TMEM132D: variants seen among roughly 807,000 people sequenced by gnomAD.
TMEM132D encodes the protein mature OL transmembrane protein.
TMEM132D carries 21 observed loss-of-function variants against 62.3 expected under a neutral mutation model. The ratio of observed to expected loss-of-function variants is 0.34; its 90% CI spans 0.24 to 0.49. TMEM132D has a LOEUF of 0.49. Ranked by LOEUF, TMEM132D falls within the 20% of genes least tolerant of loss-of-function variation. The pLI is 0.99. For synonymous variants in TMEM132D, 621 were observed against 575.6 expected, an observed-to-expected ratio of 1.08 and a Z score of -1.13; for missense variants, 1,346 against 1,402.8, an observed-to-expected ratio of 0.96 and a Z score of 0.65.
intron 1 of TMEM132D, among the ~76,000 whole-genome samples, chr12:129,802,162 C>A (rs2137308243): frequency 6.6e-6 from 1 of 151,808 alleles, no homozygotes; most frequent in East Asian, 1.9e-4. Context: ...GGCAGGCCAA[C>A]ATTCAGACTC....
intron 4 of TMEM132D, among the ~76,000 whole-genome samples, chr12:129,232,740 C>T (rs952579978): frequency 2.0e-5 from 3 of 152,088 alleles, no homozygotes; most frequent in East Asian, 1.9e-4. Context: ...AATAGTTCCA[C>T]GTGGCTGGGG....
chr12:129,561,437 T>C (rs10773683), intron 2 of TMEM132D, among the ~76,000 whole-genome samples: 47,750 of 152,074 alleles, frequency 0.31, 7,900 homozygotes, highest in Non-Finnish European at 0.34. Context: ...ATCTCAGCTG[T>C]TCTTCATAGC....
intron 5 of TMEM132D, among the ~76,000 whole-genome samples, chr12:129,150,247 T>C (rs1877032607): frequency 6.6e-6 from 1 of 152,162 alleles, no homozygotes; most frequent in African/African-American, 2.4e-5. Flanking sequence ...CAGAGTGTGC[T>C]GGGTGGAGGA....
chr12:129,672,949 T>C (rs1880535364), intron 2 of TMEM132D, among the ~76,000 whole-genome samples: 1 of 152,198 alleles, frequency 6.6e-6, no homozygotes, highest in African/African-American at 2.4e-5. Flanking sequence ...GGTTTTACCA[T>C]GTTAACCGGG....
intron 1 of TMEM132D, among the ~76,000 whole-genome samples, chr12:129,784,014 TA>T (rs1871192762): frequency 6.6e-6 from 1 of 152,222 alleles, no homozygotes; most frequent in Admixed American, 6.5e-5. Flanking sequence ...CTTGAAATCC[TA>T]GATGATTCAA....
chr12:129,208,754 C>T (rs1878933826), intron 5 of TMEM132D: 7 of 152,186 alleles, frequency 4.6e-5, no homozygotes, highest in Admixed American at 4.6e-4. Context: ...GTCACTGCAG[C>T]CCTGTCTCTG....
At chr12:129,392,187 AGC>A (rs1871306926) in intron 3 of TMEM132D, among the ~76,000 whole-genome samples, 1 of 151,962 alleles carries the variant, frequency 6.6e-6, no homozygotes, top group African/African-American at 2.4e-5. Flanking sequence ...CCTCCTGAGT[AGC>A]TGGGATTACA....
chr12:129,325,972 G>A (rs1868895176), intron 4 of TMEM132D, among the ~76,000 whole-genome samples: 1 of 152,208 alleles, frequency 6.6e-6, no homozygotes, highest in East Asian at 1.9e-4. Context: ...AGGAAGACTA[G>A]GCATCATGAG....
chr12:129,498,317 G>C (rs899259108), intron 3 of TMEM132D, among the ~76,000 whole-genome samples: 1 of 152,100 alleles, frequency 6.6e-6, no homozygotes. Flanking sequence ...GCAGTGGCAC[G>C]ATCTCAGCTC....
intron 2 of TMEM132D, among the ~76,000 whole-genome samples, chr12:129,570,940 C>T (rs1233367635): frequency 6.6e-6 from 1 of 152,112 alleles, no homozygotes; most frequent in Non-Finnish European, 1.5e-5. Flanking sequence ...ATCATGTTCC[C>T]CCAGCACATA....
At chr12:129,389,865 C>T (rs1218121311) in intron 3 of TMEM132D, among the ~76,000 whole-genome samples, 1 of 152,194 alleles carries the variant, frequency 6.6e-6, no homozygotes, top group African/African-American at 2.4e-5. Context: ...GGCCAAATAG[C>T]TGACCAGGAG....
intron 5 of TMEM132D, among the ~76,000 whole-genome samples, chr12:129,127,008 AC>A (rs1876232521): frequency 6.6e-6 from 1 of 152,206 alleles, no homozygotes; most frequent in Non-Finnish European, 1.5e-5. Context: ...AGTCTGAACT[AC>A]CTTGTTTGCT....
At chr12:129,564,527 T>G (rs951782101) in intron 2 of TMEM132D, among the ~76,000 whole-genome samples, 2 of 152,188 alleles carry the variant, frequency 1.3e-5, no homozygotes, top group African/African-American at 4.8e-5. Flanking sequence ...TTTTTGCCAC[T>G]CAACTTTCTT....
At chr12:129,203,527 C>T (rs1224575981) in intron 5 of TMEM132D, among the ~76,000 whole-genome samples, 1 of 152,176 alleles carries the variant, frequency 6.6e-6, no homozygotes, top group Non-Finnish European at 1.5e-5. Flanking sequence ...GGCATTGTTA[C>T]CCACCCCTGC....
At chr12:129,178,433 G>GTTTTTT (rs60615317) in intron 5 of TMEM132D, among the ~76,000 whole-genome samples, 5 of 140,944 alleles carry the variant, frequency 3.5e-5, no homozygotes, top group African/African-American at 1.3e-4. Context: ...ACCAGCATCT[G>GTTTTTT]TTTTTTTTTT....
chr12:129,218,541 A>G (rs905759823), intron 4 of TMEM132D, among the ~76,000 whole-genome samples: 2 of 152,214 alleles, frequency 1.3e-5, no homozygotes, highest in African/African-American at 2.4e-5. Flanking sequence ...ACTGAGAATA[A>G]AAATACAGTA....
intron 1 of TMEM132D, among the ~76,000 whole-genome samples, chr12:129,783,159 G>C (rs140565883): frequency 9.2e-5 from 14 of 152,296 alleles, no homozygotes; most frequent in Admixed American, 9.2e-4. Flanking sequence ...AAGTGCTTTA[G>C]AGGAAGAATT....
At chr12:129,382,050 A>G (rs1195111884) in intron 3 of TMEM132D, among the ~76,000 whole-genome samples, 1 of 152,212 alleles carries the variant, frequency 6.6e-6, no homozygotes, top group African/African-American at 2.4e-5. Flanking sequence ...TCCTTTAAAA[A>G]ACTGTTGCTG....
intron 4 of TMEM132D, among the ~76,000 whole-genome samples, chr12:129,225,106 C>T (rs570727749): frequency 4.6e-5 from 7 of 152,218 alleles, no homozygotes; most frequent in South Asian, 4.2e-4. Flanking sequence ...AAATAGTGAC[C>T]GTACTGTACT....
Sources: allele counts gnomAD v4.1 joint callset (sites outside exome capture counted in the v4.1 genomes callset), GRCh38; gene constraint gnomAD v4.1.1; transcripts MANE v1.5; gene names NCBI Gene and HGNC (gene_info 2026-07-23, HGNC 2026-07-21).